CHAT: variants seen among roughly 807,000 people sequenced by gnomAD.
The protein encoded by CHAT is choline O-acetyltransferase.
In CHAT, 61 loss-of-function variants were observed where a neutral mutation model predicts 76.9. That is an observed-to-expected ratio of 0.79 (90% CI 0.65 to 0.98). The LOEUF (loss-of-function observed/expected upper bound fraction) is 0.98. CHAT is among the 50% of genes least tolerant of loss of function. The pLI, the probability that CHAT is intolerant of heterozygous loss-of-function variation, is 0.00. For missense variants in CHAT, 946 were observed against 986.9 expected (o/e 0.96, Z 0.56); for synonymous variants, 407 against 397.4 (o/e 1.02, Z -0.29).
chr10:49,620,731 A>C (rs1435636072), intron 4 of CHAT, 118 bp downstream of exon 4: 2 of 807,626 alleles, frequency 2.5e-6, no homozygotes, highest in Non-Finnish European at 2.1e-6. Context: ...CCTGGGGTCA[A>C]ATGCCCCGAG....
intron 7 of CHAT, among the ~76,000 whole-genome samples, chr10:49,641,066 G>T (rs1390965852): frequency 6.6e-6 from 1 of 152,166 alleles, no homozygotes; most frequent in Non-Finnish European, 1.5e-5. Flanking sequence ...GGTGTCACAG[G>T]GTAGGCAACT....
At position 49,616,486 on chromosome 10, in the gene CHAT, A is replaced by T. The variant is rs1289534650; in HGVS notation, c.287-16A>T. ...TGTGGCTGCTGTGTTGATGCTTCCCACTTCTTGGTCCCCAGGTCCACACCT... is the reference window on the plus strand; with the variant it reads ...TGTGGCTGCTGTGTTGATGCTTCCCTCTTCTTGGTCCCCAGGTCCACACCT... On this transcript the variant is annotated splice_polypyrimidine_tract_variant and intron_variant, in intron 1 of 14. Coordinates refer to ENST00000337653, the MANE Select transcript of CHAT (RefSeq NM_020549.5). The T allele has an allele frequency of 3.8e-6, 6 of 1,597,994 alleles. No homozygotes were observed. The highest frequency in any genetic ancestry group is 5.1e-6 in the Non-Finnish European group (6 of 1,169,274).
chr10:49,657,614 C>T (rs1840073284), intron 13 of CHAT, among the ~76,000 whole-genome samples: 1 of 152,180 alleles, frequency 6.6e-6, no homozygotes, highest in Admixed American at 6.5e-5. Flanking sequence ...GGAGGGAATA[C>T]TGTACGGAAA....
At chr10:49,646,430 C>T in intron 7 of CHAT, 75 bp from the exon 8 acceptor site, 2 of 1,570,262 alleles carry the variant, frequency 1.3e-6, no homozygotes, top group Non-Finnish European at 8.7e-7. Context: ...CTGCCCTGCC[C>T]TGTGTGGGGC....
intron 7 of CHAT, among the ~76,000 whole-genome samples, chr10:49,642,985 T>C (rs1047693807): frequency 1.3e-5 from 2 of 152,214 alleles, no homozygotes; most frequent in African/African-American, 2.4e-5. Context: ...ATAGCCCTTG[T>C]TGATGAACCT....
intron 7 of CHAT, among the ~76,000 whole-genome samples, chr10:49,638,779 G>C (rs568688695): frequency 6.6e-6 from 1 of 152,184 alleles, no homozygotes; most frequent in African/African-American, 2.4e-5. Context: ...ACCACATCAG[G>C]CAATTTTATG....
Position 49,666,071 on chromosome 10 carries a change from G to A in CHAT, c.*1025G>A, listed in dbSNP as rs576675052. On this transcript the variant is annotated 3_prime_UTR_variant, in exon 15 of 15. Coordinates refer to ENST00000337653, the MANE Select transcript of CHAT (RefSeq NM_020549.5). ...CTTAGTGATTCAAGCAGGACCCTTA[G>A]GCAGCTGGGCTCCTTTATTTGGAGC... Among the ~76,000 whole-genome samples, 1 of 152,312 alleles carries A rather than the reference G, an allele frequency of 6.6e-6. No homozygotes were observed. Among genetic ancestry groups the A allele is most frequent in the African/African-American group, 2.4e-5 (1 of 41,568 alleles).
intron 13 of CHAT, among the ~76,000 whole-genome samples, chr10:49,662,443 C>A (rs193059622): frequency 2.0e-5 from 3 of 152,208 alleles, no homozygotes; most frequent in Admixed American, 2.0e-4. Context: ...TGTGGAAATG[C>A]GCAAGGGCCC....
rs1412757393 is a variant in CHAT, at chr10:49,633,317, C to T, written c.1111+5532C>T. ...CAGGCCAGGCTGGGACCTGCTTACT[C>T]GGATATTAGCAGAGCATCCAGGTCC... On this transcript the variant is annotated intron_variant, in intron 7 of 14. Coordinates refer to ENST00000337653, the MANE Select transcript of CHAT (RefSeq NM_020549.5). Among the ~76,000 whole-genome samples the T allele has an allele frequency of 2.0e-5, 3 of 152,248 alleles. No individual in the cohort carries two copies. The East Asian group carries it at 5.8e-4, about 29-fold the overall frequency.
chr10:49,667,102 G>C lies in CHAT; in HGVS notation c.*2056G>C, dbSNP rs764665469. On this transcript the variant is annotated 3_prime_UTR_variant, in exon 15 of 15. Coordinates refer to ENST00000337653, the MANE Select transcript of CHAT (RefSeq NM_020549.5). Reference sequence around the variant, plus strand: ...CACTTGCAAGACTATGAGGATTGGAGAGCATGTGTGTCAAGGACCTTGCTG... The same window carrying C: ...CACTTGCAAGACTATGAGGATTGGACAGCATGTGTGTCAAGGACCTTGCTG... 6.6e-6 allele frequency among the ~76,000 whole-genome samples: 1 copy of C among 152,224 alleles called. No homozygotes were observed. The highest frequency in any genetic ancestry group is 2.1e-4 in the South Asian group (1 of 4,834).
intron 5 of CHAT, among the ~76,000 whole-genome samples, chr10:49,622,671 G>C (rs1033068897): frequency 1.3e-5 from 2 of 152,208 alleles, no homozygotes. Context: ...GAGAGCAGGA[G>C]GGTGTCTGAG....
intron 1 of CHAT, chr10:49,615,963 A>G (rs1341267065): frequency 2.8e-6 from 4 of 1,425,350 alleles, no homozygotes; most frequent in African/African-American, 1.4e-5. Context: ...ATCCTGGAGC[A>G]CAGGGCCTTA....
chr10:49,627,465 C>G, intron 6 of CHAT, 143 bp from the exon 7 acceptor site: 3 of 873,912 alleles, frequency 3.4e-6, no homozygotes, highest in Non-Finnish European at 3.9e-6. Context: ...GGCTTGGTCC[C>G]TAAACTGAGA....
upstream of CHAT, chr10:49,613,016 T>C: frequency 6.6e-6 from 1 of 152,488 alleles, no homozygotes; most frequent in East Asian, 1.9e-4. Context: ...CCGCTCCAGC[T>C]AGGCACGCCA....
chr10:49,659,738 T>C (rs767006216), intron 13 of CHAT, among the ~76,000 whole-genome samples: 3 of 152,062 alleles, frequency 2.0e-5, no homozygotes, highest in Non-Finnish European at 4.4e-5. Flanking sequence ...GGCACATACC[T>C]GTAATCCCAG....
upstream of CHAT, among the ~76,000 whole-genome samples, chr10:49,613,814 G>A (rs903192450): frequency 6.6e-6 from 1 of 152,180 alleles, no homozygotes; most frequent in Non-Finnish European, 1.5e-5. Flanking sequence ...GTGCCAGCAG[G>A]AATGGGATGG....
rs575606703 is a variant in CHAT, at chr10:49,665,725, C to A, written c.*679C>A. ...GCTCAGAAAATTGTGTCCAGCTATTCTGAAAGGAAAAAAAAATTTATCTGT... is the reference window on the plus strand; with the variant it reads ...GCTCAGAAAATTGTGTCCAGCTATTATGAAAGGAAAAAAAAATTTATCTGT... On this transcript the variant is annotated 3_prime_UTR_variant, in exon 15 of 15. Coordinates refer to ENST00000337653, the MANE Select transcript of CHAT (RefSeq NM_020549.5). Among the ~76,000 whole-genome samples, 20 of 152,150 alleles carry A rather than the reference C, an allele frequency of 1.3e-4. No individual in the cohort carries two copies. The South Asian group carries it at 3.5e-3, about 27-fold the overall frequency.
chr10:49,631,256 G>A (rs1839109202), intron 7 of CHAT, among the ~76,000 whole-genome samples: 1 of 152,192 alleles, frequency 6.6e-6, no homozygotes, highest in South Asian at 2.1e-4. Flanking sequence ...ACAGACACCT[G>A]CTATCTTACA....
upstream of CHAT, chr10:49,610,943 G>T (rs1401449388): frequency 7.5e-6 from 12 of 1,610,342 alleles, no homozygotes. Flanking sequence ...CGCGGGGGCG[G>T]CGAGGGCCCC....
Sources: gnomAD v4.1 joint callset for allele counts (sites outside exome capture counted in the v4.1 genomes callset) on GRCh38, gnomAD v4.1.1 for gene constraint, MANE v1.5 for transcripts, NCBI Gene and HGNC (gene_info 2026-07-23, HGNC 2026-07-21) for gene names.